Variants in COP1 observed in about 807,000 individuals in gnomAD.
The protein encoded by COP1 is COP1 E3 ubiquitin ligase, also known as E3 ubiquitin-protein ligase COP1.
Under a neutral mutation model 101.3 loss-of-function variants are expected in COP1, and 24 were observed. That is an observed-to-expected ratio of 0.24 (90% CI 0.17 to 0.33). COP1 has a LOEUF of 0.33. Among genes scored for constraint, COP1 ranks in the 10% least tolerant of loss-of-function variants. The pLI is 1.00. For synonymous variants in COP1, 347 were observed against 341.9 expected, an observed-to-expected ratio of 1.01 and a Z score of -0.17; for missense variants, 663 against 906.2, an observed-to-expected ratio of 0.73 and a Z score of 3.45.
At chr1:176,183,424 G>C (rs1698038759) in intron 2 of COP1, among the ~76,000 whole-genome samples, 1 of 152,168 alleles carries the variant, frequency 6.6e-6, no homozygotes, top group South Asian at 2.1e-4. Flanking sequence ...CCATCAGGAT[G>C]GCTACTATCA....
At chr1:176,195,111 G>A (rs1160317945) in intron 1 of COP1, among the ~76,000 whole-genome samples, 2 of 146,998 alleles carry the variant, frequency 1.4e-5, no homozygotes, top group African/African-American at 5.0e-5. Context: ...AAAAAGGAGA[G>A]GAGAGAAAGA....
intron 11 of COP1, among the ~76,000 whole-genome samples, chr1:176,060,329 C>T (rs1466427760): frequency 6.6e-6 from 1 of 151,924 alleles, no homozygotes; most frequent in Non-Finnish European, 1.5e-5. Flanking sequence ...TTAAAGATGC[C>T]CTTTAAAATC....
intron 15 of COP1, among the ~76,000 whole-genome samples, chr1:175,997,971 C>G (rs959659953): frequency 6.8e-6 from 1 of 147,176 alleles, no homozygotes; most frequent in Non-Finnish European, 1.5e-5. Flanking sequence ...TGCGGCACTA[C>G]TTACAATAGC....
At chr1:175,967,142 A>G (rs1642424899) in intron 18 of COP1, among the ~76,000 whole-genome samples, 1 of 152,206 alleles carries the variant, frequency 6.6e-6, no homozygotes, top group Non-Finnish European at 1.5e-5. Flanking sequence ...TGTCTAATGC[A>G]AAAACTGCTC....
At chr1:176,178,565 G>A (rs1458555757) in intron 2 of COP1, among the ~76,000 whole-genome samples, 6 of 152,094 alleles carry the variant, frequency 3.9e-5, no homozygotes, top group African/African-American at 4.8e-5. Context: ...TTAAAGATAA[G>A]AGATGGCCGG....
intron 3 of COP1, among the ~76,000 whole-genome samples, chr1:176,167,393 C>G (rs1306142511): frequency 6.6e-6 from 1 of 150,476 alleles, no homozygotes; most frequent in Admixed American, 6.6e-5. Flanking sequence ...GCATAGTAGG[C>G]GCCTGGTATT....
chr1:176,161,706 C>T (rs1004821550), intron 5 of COP1, among the ~76,000 whole-genome samples: 6 of 152,156 alleles, frequency 3.9e-5, no homozygotes, highest in Admixed American at 1.3e-4. Flanking sequence ...TCTAGCTTGT[C>T]CACAGACCTT....
At chr1:176,011,251 T>C (rs902649613) in intron 15 of COP1, among the ~76,000 whole-genome samples, 1 of 152,210 alleles carries the variant, frequency 6.6e-6, no homozygotes, top group African/African-American at 2.4e-5. Context: ...TAAAACTTAC[T>C]TTCTCAGTAG....
Position 176,121,143 on chromosome 1 carries a change from T to G in COP1, c.969-4462A>C, listed in dbSNP as rs369392819. ...ACAAATAAAACTTTTTCCTTTCCAG[T>G]ACTCTACATATAGTTACTGAACCAG... On this transcript the variant is annotated intron_variant, in intron 8 of 19. Coordinates refer to ENST00000367669, the MANE Select transcript of COP1 (RefSeq NM_022457.7). Among the ~76,000 whole-genome samples, 11 of 152,128 alleles carry G rather than the reference T, an allele frequency of 7.2e-5. No homozygotes were observed. In the South Asian group the frequency reaches 1.9e-3, roughly 26 times the overall value.
At chr1:176,186,072 G>C (rs1698404516) in intron 1 of COP1, among the ~76,000 whole-genome samples, 1 of 152,014 alleles carries the variant, frequency 6.6e-6, no homozygotes, top group African/African-American at 2.4e-5. Flanking sequence ...GGACACACCA[G>C]CTACAAAGGG....
chr1:175,976,640 A>T (rs1371990789), intron 18 of COP1, among the ~76,000 whole-genome samples: 1 of 152,156 alleles, frequency 6.6e-6, no homozygotes, highest in African/African-American at 2.4e-5. Context: ...GTCCTCTACT[A>T]GTACAAACAT....
intron 1 of COP1, among the ~76,000 whole-genome samples, chr1:176,201,942 C>G (rs1487107324): frequency 2.0e-5 from 3 of 152,146 alleles, no homozygotes; most frequent in Admixed American, 2.0e-4. Context: ...ATTCCAGTAA[C>G]TGAACATGCT....
intron 9 of COP1, among the ~76,000 whole-genome samples, chr1:176,115,052 T>C (rs976922685): frequency 3.9e-5 from 6 of 152,204 alleles, no homozygotes; most frequent in Admixed American, 2.0e-4. Flanking sequence ...ACAAATGTGA[T>C]AAAATGTTAA....
intron 14 of COP1, among the ~76,000 whole-genome samples, chr1:176,028,017 G>A (rs534232781): frequency 1.8e-4 from 27 of 152,152 alleles, no homozygotes; most frequent in African/African-American, 6.3e-4. Flanking sequence ...GCAGGCAAGA[G>A]AGCGTGTGCA....
chr1:176,197,432 A>G (rs540374972), intron 1 of COP1, among the ~76,000 whole-genome samples: 4 of 152,286 alleles, frequency 2.6e-5, no homozygotes, highest in African/African-American at 7.2e-5. Context: ...AAAAGAAAGG[A>G]AACAGGCCTC....
In COP1 at chr1:176,206,928, C is replaced by T; in HGVS notation, c.51G>A (p.Gly17=). The change falls in exon 1 of 20, where the codon GGG becomes GGA. Residue 17 remains glycine (G), a synonymous_variant. Coordinates refer to ENST00000367669, the MANE Select transcript of COP1 (RefSeq NM_022457.7). The part of the protein sequence containing the change: ...AGSGSAGTSP[G]SSAASSVTSA... The stretch of plus-strand genomic sequence containing the variant: ...AAGTCACCGAGGAGGCCGCCGAGGA[C>T]CCGGGGCTTGTCCCAGCGGAGCCCG... The T allele has an allele frequency of 6.8e-7, 1 of 1,461,594 alleles. No homozygotes were observed. Among genetic ancestry groups the T allele is most frequent in the Non-Finnish European group, 9.0e-7 (1 of 1,111,770 alleles). The allele number at this position is 1,461,594 out of a possible 1,614,324, so 90.5% of individuals were successfully genotyped here. A position where few individuals can be genotyped will look rare whatever the true frequency, so the allele number is the denominator to read the frequency against.
intron 6 of COP1, among the ~76,000 whole-genome samples, chr1:176,142,586 A>G (rs1690873197): frequency 6.6e-6 from 1 of 152,142 alleles, no homozygotes; most frequent in Admixed American, 6.5e-5. Flanking sequence ...ATGCAACTGC[A>G]GAAAATGCAT....
intron 14 of COP1, among the ~76,000 whole-genome samples, chr1:176,040,957 G>A (rs927999585): frequency 2.0e-5 from 3 of 152,054 alleles, no homozygotes; most frequent in African/African-American, 7.2e-5. Flanking sequence ...TTAATGGTGA[G>A]AAGAACCAGA....
At chr1:176,058,643 C>G (rs922198586) in intron 11 of COP1, among the ~76,000 whole-genome samples, 10 of 152,166 alleles carry the variant, frequency 6.6e-5, no homozygotes, top group Non-Finnish European at 1.3e-4. Flanking sequence ...GGTCCTCTGC[C>G]TAGGAAAACC....
Sources: allele counts gnomAD v4.1 joint callset (sites outside exome capture counted in the v4.1 genomes callset), GRCh38; gene constraint gnomAD v4.1.1; transcripts MANE v1.5; gene names NCBI Gene and HGNC (gene_info 2026-07-23, HGNC 2026-07-21).